Variants in TSC22D2 observed in about 807,000 individuals in gnomAD.
The protein encoded by TSC22D2 is TSC22 domain family protein 2.
A neutral mutation model predicts 50.1 loss-of-function variants in TSC22D2; 5 were observed. The observed-to-expected ratio is 0.10, with a 90% CI of 0.05 to 0.21. TSC22D2 has a LOEUF of 0.21. Ranked by LOEUF, TSC22D2 falls within the 10% of genes least tolerant of loss-of-function variation. The pLI, the probability that TSC22D2 is intolerant of heterozygous loss-of-function variation, is 1.00. For synonymous variants in TSC22D2, 501 were observed against 450.1 expected (o/e 1.11, Z -1.43); for missense variants, 1,003 against 1,015.5 (o/e 0.99, Z 0.17).
chr3:150,444,482 T>G (rs1465880117), intron 1 of TSC22D2, among the ~76,000 whole-genome samples: 2 of 152,102 alleles, frequency 1.3e-5, no homozygotes, highest in Non-Finnish European at 2.9e-5. Context: ...ACAAAAAAAT[T>G]ATGGACGAAT....
In TSC22D2 at chr3:150,458,846, CAAGGAGAAT is replaced by C; in HGVS notation, c.*213_*221del. 1 of 573,354 alleles carries C rather than the reference CAAGGAGAAT, an allele frequency of 1.7e-6. No homozygotes were observed. The highest frequency in any genetic ancestry group is 3.0e-6 in the Non-Finnish European group (1 of 334,676). The allele number at this position is 573,354 out of a possible 1,614,324, so 35.5% of individuals were successfully genotyped here. ...TGTCCAGTTCTATGTCATCAGTACA[CAAGGAGAAT>C]AATAGATGGGGTTTATTAAAGCGAG... On this transcript the variant is annotated 3_prime_UTR_variant, in exon 3 of 3. Coordinates refer to ENST00000688009, the MANE Select transcript of TSC22D2 (RefSeq NM_001303264.2).
chr3:150,458,587 C>G lies in TSC22D2; in HGVS notation c.2222C>G (p.Pro741Arg), dbSNP rs751890401. Residue 741 changes from proline to arginine, a missense_variant, in exon 3 of 3, where the codon CCT becomes CGT. Physicochemically the swap from Pro to Arg is moderately radical, Grantham distance 103. Transcript: ENST00000688009. ...TSQQQAVIAQPPQPTQPPQQP... is the reference protein window; with the variant it reads ...TSQQQAVIAQRPQPTQPPQQP... The stretch of plus-strand genomic sequence containing the variant: ...CAACAGCAAGCAGTGATAGCACAGC[C>G]TCCGCAGCCAACGCAACCTCCACAG... 6.2e-7 allele frequency: 1 copy of G among 1,614,138 alleles called. No individual in the cohort carries two copies. Among genetic ancestry groups the G allele is most frequent in the South Asian group, 1.1e-5 (1 of 91,086 alleles).
chr3:150,414,287 GA>G (rs2108061104), intron 1 of TSC22D2, among the ~76,000 whole-genome samples: 1 of 152,324 alleles, frequency 6.6e-6, no homozygotes, highest in South Asian at 2.1e-4. Context: ...TGTGATGGTT[GA>G]AAATACAGTC....
Position 150,410,155 on chromosome 3 carries a change from T to G in TSC22D2, c.805T>G (p.Phe269Val). ...GCCCACTCCGGCCCAGCCGCAGAGT[T>G]TTAGCGTTGGGCAGCCACAGCCGCC... is the stretch of plus-strand genomic sequence containing the variant. ...SQPTPAQPQS[F>V]SVGQPQPPPP... The change falls in exon 1 of 3, where the codon TTT (phenylalanine) becomes GTT (valine). Residue 269 changes from phenylalanine (F) to valine (V), a missense_variant. Phe to Val is a conservative substitution (Grantham distance 50, BLOSUM62 -1). Transcript: ENST00000688009. The G allele has an allele frequency of 6.2e-7, 1 of 1,611,418 alleles. No individual in the cohort carries two copies. Among genetic ancestry groups the G allele is most frequent in the South Asian group, 1.1e-5 (1 of 91,054 alleles).
chr3:150,458,632 C>T lies in TSC22D2; in HGVS notation c.2267C>T (p.Ala756Val), dbSNP rs369867327. The T allele has an allele frequency of 3.0e-5, 48 of 1,613,740 alleles. No individual in the cohort carries two copies. The highest frequency in any genetic ancestry group is 2.8e-5 in the Non-Finnish European group (33 of 1,179,886). ...QPPQQPNVSS[A>V] ...CCACAGCAGCCGAATGTCTCCTCAG[C>T]ATAAAGCTTTCTTAAGCCTCATTAA... The change falls in exon 3 of 3, where the codon GCA becomes GTA. Residue 756 changes from alanine (A) to valine (V), a missense_variant. Physicochemically the swap from Ala to Val is moderately conservative, Grantham distance 64 (BLOSUM62 0). Coordinates refer to ENST00000688009, the MANE Select transcript of TSC22D2 (RefSeq NM_001303264.2).
intron 1 of TSC22D2, among the ~76,000 whole-genome samples, chr3:150,429,801 C>A (rs1417270297): frequency 1.3e-5 from 2 of 152,052 alleles, no homozygotes; most frequent in African/African-American, 4.8e-5. Context: ...TGTTTGTCCC[C>A]AATTATAGTT....
intron 1 of TSC22D2, among the ~76,000 whole-genome samples, chr3:150,440,370 A>C (rs1720677734): frequency 6.6e-6 from 1 of 152,202 alleles, no homozygotes; most frequent in Non-Finnish European, 1.5e-5. Context: ...GTTGCTTACT[A>C]TCTAAAAGTT....
chr3:150,432,632 A>T (rs1486955717), intron 1 of TSC22D2, among the ~76,000 whole-genome samples: 1 of 151,960 alleles, frequency 6.6e-6, no homozygotes, highest in Admixed American at 6.6e-5. Context: ...ACAAGAAAGA[A>T]ATTTAAGGAA....
rs1342837673 is a variant in TSC22D2, at chr3:150,411,228, C to T, written c.1878C>T (p.Asn626=). The stretch of plus-strand genomic sequence containing the variant: ...CGCCTGTTGCAGATTCCCTGGCAAA[C>T]CCCCTTCAGTTAACACCTATGAACA... ...VKPPVADSLA[N]PLQLTPMNSL... is the part of the protein sequence containing the mutation. Residue 626 remains asparagine, a synonymous_variant, in exon 1 of 3, where the codon AAC becomes AAT. Transcript: ENST00000688009. 6.2e-7 allele frequency: 1 copy of T among 1,614,182 alleles called. No homozygotes were observed. Among genetic ancestry groups the T allele is most frequent in the East Asian group, 2.2e-5 (1 of 44,882 alleles).
chr3:150,443,783 G>C (rs1423305854), intron 1 of TSC22D2, among the ~76,000 whole-genome samples: 1 of 152,110 alleles, frequency 6.6e-6, no homozygotes, highest in Non-Finnish European at 1.5e-5. Context: ...TACTTATGAG[G>C]CATGATTATA....
chr3:150,457,872 G>C (rs1039139497), intron 2 of TSC22D2, among the ~76,000 whole-genome samples: 1 of 151,496 alleles, frequency 6.6e-6, no homozygotes, highest in Non-Finnish European at 1.5e-5. Flanking sequence ...CTGACCTCAG[G>C]TGATCTACAC....
chr3:150,429,833 C>A (rs939002148), intron 1 of TSC22D2, among the ~76,000 whole-genome samples: 1 of 152,072 alleles, frequency 6.6e-6, no homozygotes, highest in Non-Finnish European at 1.5e-5. Flanking sequence ...AAGGCATTTT[C>A]CTGTTACCAT....
At chr3:150,419,740 T>C (rs1042622513) in intron 1 of TSC22D2, among the ~76,000 whole-genome samples, 19 of 152,122 alleles carry the variant, frequency 1.2e-4, no homozygotes, top group African/African-American at 4.6e-4. Flanking sequence ...TACTTGGAAA[T>C]TAATGTGATG....
rs182522270 is a variant in TSC22D2, at chr3:150,445,485, G to T, written c.1959-11591G>T. 1.3e-3 allele frequency among the ~76,000 whole-genome samples: 202 copies of T among 151,488 alleles called. 2 individuals are homozygous for T. Among genetic ancestry groups the T allele is most frequent in the Non-Finnish European group, 4.9e-4 (33 of 67,856 alleles). ...AAGGAATAACTAGGATTTTATTTTG[G>T]GTGAAACATAAATATAAAACCTGTT... is the stretch of plus-strand genomic sequence containing the variant. On this transcript the variant is annotated intron_variant, in intron 1 of 2. Transcript: ENST00000688009.
rs181366009 is a variant in TSC22D2, at chr3:150,438,807, A to G, written c.1959-18269A>G. Among the ~76,000 whole-genome samples the G allele has an allele frequency of 1.2e-3, 184 of 152,292 alleles. 1 individual carries two copies. In the South Asian group the frequency reaches 0.023, roughly 19 times the overall value. On this transcript the variant is annotated intron_variant, in intron 1 of 2. Coordinates refer to ENST00000688009, the MANE Select transcript of TSC22D2 (RefSeq NM_001303264.2). ...TCTTAATAAAAGACATGTTTCCTCT[A>G]AATGTCTAAAATAAAGCCAAGAAAA...
Position 150,410,471 on chromosome 3 carries a change from C to A in TSC22D2, c.1121C>A (p.Pro374His). Residue 374 changes from proline (P) to histidine (H), a missense_variant, in exon 1 of 3, where the codon CCC (proline) becomes CAC (histidine). Physicochemically the swap from Pro to His is moderately conservative, Grantham distance 77. Coordinates refer to ENST00000688009, the MANE Select transcript of TSC22D2 (RefSeq NM_001303264.2). ...IPPGHLLPVQ[P>H]SGQSEYLQQH... The stretch of plus-strand genomic sequence containing the variant: ...CCCGGACATTTGCTGCCCGTCCAGC[C>A]CTCCGGCCAGAGTGAGTACCTGCAG... 6.2e-7 allele frequency: 1 copy of A among 1,608,288 alleles called. No individual in the cohort carries two copies. The highest frequency in any genetic ancestry group is 8.5e-7 in the Non-Finnish European group (1 of 1,178,254).
intron 1 of TSC22D2, among the ~76,000 whole-genome samples, chr3:150,413,837 C>T (rs1445821481): frequency 1.3e-5 from 2 of 151,702 alleles, no homozygotes; most frequent in Non-Finnish European, 2.9e-5. Flanking sequence ...AGTAGTTTGA[C>T]AAATTTCAGA....
chr3:150,418,488 T>G (rs575914994), intron 1 of TSC22D2, among the ~76,000 whole-genome samples: 3 of 152,150 alleles, frequency 2.0e-5, no homozygotes, highest in Admixed American at 2.0e-4. Flanking sequence ...CTGCTACCTC[T>G]GTCCTCCAGC....
intron 1 of TSC22D2, among the ~76,000 whole-genome samples, chr3:150,418,282 A>T (rs111746251): frequency 7.9e-5 from 12 of 151,996 alleles, no homozygotes; most frequent in African/African-American, 2.4e-4. Flanking sequence ...GAAAATGATG[A>T]TCAGATGTAT....
Sources: gnomAD v4.1 joint callset for allele counts (sites outside exome capture counted in the v4.1 genomes callset) on GRCh38, gnomAD v4.1.1 for gene constraint, MANE v1.5 for transcripts, NCBI Gene and HGNC (gene_info 2026-07-23, HGNC 2026-07-21) for gene names.